TOP3B: variants seen among roughly 807,000 people sequenced by gnomAD.
The protein encoded by TOP3B is DNA topoisomerase III beta.
In TOP3B, 45 loss-of-function variants were observed where a neutral mutation model predicts 93.9. The observed-to-expected ratio is 0.48, with a 90% CI of 0.38 to 0.61. The LOEUF is 0.61. TOP3B is among the 20% of genes least tolerant of loss of function. TOP3B has a pLI of 0.00. For missense variants in TOP3B, 750 were observed against 1,156.1 expected (o/e 0.65, Z 5.09); for synonymous variants, 357 against 472.6 (o/e 0.76, Z 3.17).
chr22:21,964,239 C>T lies in TOP3B; in HGVS notation c.1020G>A (p.Glu340=), dbSNP rs775500725. 9 of 1,614,168 alleles carry T rather than the reference C, an allele frequency of 5.6e-6. No individual in the cohort carries two copies. In the South Asian group the frequency reaches 9.9e-5, roughly 18 times the overall value. Reference sequence around the variant, plus strand: ...CAAAGTTCTCAGGGTAGTGGGTGGTCTCTGTCCGTGGGTAGCTGATGTAGC... The same window carrying T: ...CAAAGTTCTCAGGGTAGTGGGTGGTTTCTGTCCGTGGGTAGCTGATGTAGC... ...TQGYISYPRT[E]TTHYPENFDL... The change falls in exon 10 of 18, where the codon GAG becomes GAA. Residue 340 remains glutamate (E), a synonymous_variant. Transcript: ENST00000357179.
chr22:21,974,105 C>A, intron 3 of TOP3B: 1 of 376,078 alleles, frequency 2.7e-6, no homozygotes, highest in East Asian at 5.2e-5. Flanking sequence ...ACTTTGTCTA[C>A]ATAGGAAGGC....
At position 21,970,466 on chromosome 22, in the gene TOP3B, C is replaced by T; in HGVS notation, c.385-60G>A. 1 of 1,560,152 alleles carries T rather than the reference C, an allele frequency of 6.4e-7. No individual in the cohort carries two copies. The highest frequency in any genetic ancestry group is 1.1e-5 in the South Asian group (1 of 86,990). ...CCCAGATCCCTGCCACAGCTCCCCACCCCACTGTGAAGCCTGGTTCCTTCC... is the reference window on the plus strand; with the variant it reads ...CCCAGATCCCTGCCACAGCTCCCCATCCCACTGTGAAGCCTGGTTCCTTCC... On this transcript the variant is annotated intron_variant, in intron 5 of 17. Transcript: ENST00000357179. The surrounding 1 kb of genome is among the most constrained non-coding windows in gnomAD (Gnocchi z 4.4).
chr22:21,970,203 C>T lies in TOP3B; in HGVS notation c.581+7G>A. ...TGTGCCCAGGACTCTGCGGGTGTGG[C>T]CAGCACCTGGTGAATGCACAGCCGA... On this transcript the variant is annotated splice_region_variant and intron_variant, in intron 6 of 17. Coordinates refer to ENST00000357179, the MANE Select transcript of TOP3B (RefSeq NM_001282112.2). The surrounding 1 kb of genome is among the most constrained non-coding windows in gnomAD (Gnocchi z 4.4). 2 of 1,608,928 alleles carry T rather than the reference C, an allele frequency of 1.2e-6. No homozygotes were observed. Among genetic ancestry groups the T allele is most frequent in the Middle Eastern group, 1.8e-4 (1 of 5,636 alleles).
At chr22:21,958,935 A>C in intron 16 of TOP3B, 197 bp downstream of exon 16, 2 of 1,032,066 alleles carry the variant, frequency 1.9e-6, no homozygotes, top group Non-Finnish European at 2.7e-6. Flanking sequence ...AAAATGCACC[A>C]TGTGTGTTTG....
At position 21,971,283 on chromosome 22, in the gene TOP3B, G is replaced by A; in HGVS notation, c.384+594C>T. On this transcript the variant is annotated intron_variant, in intron 5 of 17. Transcript: ENST00000357179. The surrounding 1 kb of genome is among the most constrained non-coding windows in gnomAD (Gnocchi z 4.6). ...GAGCTGGGGGTACAGGAGCACGGGG[G>A]CGACCCATAGAACAACAGTCTGAAG... is the stretch of plus-strand genomic sequence containing the variant. 2 of 251,910 alleles carry A rather than the reference G, an allele frequency of 7.9e-6. No individual in the cohort carries two copies. Among genetic ancestry groups the A allele is most frequent in the Non-Finnish European group, 1.5e-5 (2 of 133,244 alleles). 15.6% of individuals were successfully genotyped at this position (251,910 alleles called of 1,614,324 possible). A position where few individuals can be genotyped will look rare whatever the true frequency, so the allele number is the denominator to read the frequency against.
chr22:21,960,711 C>T (rs568240540), intron 13 of TOP3B: 7 of 486,418 alleles, frequency 1.4e-5, no homozygotes, highest in Non-Finnish European at 2.2e-5. Flanking sequence ...ACAACAGGCT[C>T]GGAGGTTAAG....
chr22:21,978,381 A>C (rs2071969793), intron 1 of TOP3B, among the ~76,000 whole-genome samples: 1 of 152,156 alleles, frequency 6.6e-6, no homozygotes, highest in South Asian at 2.1e-4. Context: ...GAGTTTGAGA[A>C]GAGCCTGATT....
Position 21,980,008 on chromosome 22 carries a change from G to A in TOP3B, c.-99+2722C>T, listed in dbSNP as rs1040537091. On this transcript the variant is annotated intron_variant, in intron 1 of 17. Coordinates refer to ENST00000357179, the MANE Select transcript of TOP3B (RefSeq NM_001282112.2). ...TAGAGCACCTGGCAGCATTACAAAG[G>A]AAAGCATCTGCTTGGTACATACTAA... Among the ~76,000 whole-genome samples the A allele has an allele frequency of 6.2e-4, 94 of 150,524 alleles. 3 individuals are homozygous for A. The highest frequency in any genetic ancestry group is 2.2e-4 in the Non-Finnish European group (15 of 67,830).
At chr22:21,967,468 C>T (rs2071457930) in intron 8 of TOP3B, 135 bp downstream of exon 8, 4 of 707,686 alleles carry the variant, frequency 5.7e-6, no homozygotes, top group South Asian at 5.1e-5. Context: ...ATTCAGCTTT[C>T]CAAAAAGATG....
Position 21,960,353 on chromosome 22 carries a change from C to A in TOP3B, c.1622G>T (p.Gly541Val). ...SGRRLKPTNL[G>V]IVLVHGYYKI... ...ATAGTAGCCGTGCACCAGGACGATG[C>A]CGAGGTTGGTGGGCTTGAGCCGGCG... The change falls in exon 14 of 18, where the codon GGC (glycine) becomes GTC (valine). Residue 541 changes from glycine (G) to valine (V), a missense_variant. This residue lies in a region of TOP3B where 737 missense variants were observed against 933.7 expected (regional missense o/e 0.79). Transcript: ENST00000357179. 6.2e-7 allele frequency: 1 copy of A among 1,613,620 alleles called. No individual in the cohort carries two copies. Among genetic ancestry groups the A allele is most frequent in the Non-Finnish European group, 8.5e-7 (1 of 1,179,978 alleles).
In TOP3B at chr22:21,970,640, A is replaced by C; in HGVS notation, c.385-234T>G. The C allele has an allele frequency of 1.8e-6, 1 of 558,092 alleles. No homozygotes were observed. Among genetic ancestry groups the C allele is most frequent in the Non-Finnish European group, 3.2e-6 (1 of 311,106 alleles). The allele number at this position is 558,092 out of a possible 1,614,324, so 34.6% of individuals were successfully genotyped here. A position where few individuals can be genotyped will look rare whatever the true frequency, so the allele number is the denominator to read the frequency against. On this transcript the variant is annotated intron_variant, in intron 5 of 17. Coordinates refer to ENST00000357179, the MANE Select transcript of TOP3B (RefSeq NM_001282112.2). This position sits in a 1 kb window ranked among gnomAD's most constrained non-coding sequence, Gnocchi z 4.4. ...AACACCCCACCACATGGCTTCCTTT[A>C]CTCCCATCTAGAAACATACTCGAAC...
At chr22:21,959,776 G>A (rs1000239107) in intron 14 of TOP3B, 40 bp from the exon 15 acceptor site, 26 of 1,592,900 alleles carry the variant, frequency 1.6e-5, no homozygotes, top group Admixed American at 3.4e-5. Context: ...CTGAGCACTC[G>A]CACCCAGGGC....
Position 21,970,238 on chromosome 22 carries a change from C to G in TOP3B, c.553G>C (p.Asp185His). The change falls in exon 6 of 18, where the codon GAC becomes CAC. Residue 185 changes from aspartate (D) to histidine (H), a missense_variant. By Grantham distance (81) the Asp-to-His change is moderately conservative. Around this residue, in one of 4 missense-constraint regions of TOP3B, gnomAD observed 737 missense variants for 933.7 expected, o/e 0.79. Coordinates refer to ENST00000357179, the MANE Select transcript of TOP3B (RefSeq NM_001282112.2). The surrounding 1 kb of genome is among the most constrained non-coding windows in gnomAD (Gnocchi z 4.4). ...ALSVDARQEL[D>H]LRIGCAFTRF... is the part of the protein sequence containing the mutation. ...GTGAATGCACAGCCGATTCGCAGGT[C>G]CAGCTCCTGGCGAGCATCCACTGAG... 6.2e-7 allele frequency: 1 copy of G among 1,613,216 alleles called. No homozygotes were observed.
At chr22:21,979,834 G>A (rs1056435760) in intron 1 of TOP3B, among the ~76,000 whole-genome samples, 5 of 150,150 alleles carry the variant, frequency 3.3e-5, no homozygotes, top group Admixed American at 6.6e-5. Flanking sequence ...CCAGCTACTC[G>A]GGAGGCTGAG....
chr22:21,968,382 C>A, intron 7 of TOP3B: 1 of 522,258 alleles, frequency 1.9e-6, no homozygotes, highest in Non-Finnish European at 3.4e-6. Context: ...CCCTGCACTG[C>A]CAGAGCTGAA....
chr22:21,965,243 C>T (rs1328235007), intron 9 of TOP3B, 42 bp downstream of exon 9: 1 of 1,494,358 alleles, frequency 6.7e-7, no homozygotes, highest in Non-Finnish European at 9.1e-7. Flanking sequence ...GAACCTGCCT[C>T]AGGAAGCCTT....
intron 13 of TOP3B, chr22:21,960,700 G>C (rs1217516762): frequency 3.9e-6 from 2 of 518,730 alleles, no homozygotes; most frequent in Admixed American, 6.4e-5. Context: ...TTATGGCAGA[G>C]ACAACAGGCT....
Position 21,971,386 on chromosome 22 carries a change from C to A in TOP3B, c.384+491G>T, listed in dbSNP as rs748933574. ...GCAAGCATGGGGCATGGGGTGTGCACAGGGAGCAGCTGCCACCTGCTTCTC... is the reference window on the plus strand; with the variant it reads ...GCAAGCATGGGGCATGGGGTGTGCAAAGGGAGCAGCTGCCACCTGCTTCTC... On this transcript the variant is annotated intron_variant, in intron 5 of 17. Coordinates refer to ENST00000357179, the MANE Select transcript of TOP3B (RefSeq NM_001282112.2). This position sits in a 1 kb window ranked among gnomAD's most constrained non-coding sequence, Gnocchi z 4.6. 2 of 310,744 alleles carry A rather than the reference C, an allele frequency of 6.4e-6. No individual in the cohort carries two copies. The highest frequency in any genetic ancestry group is 6.3e-6 in the Non-Finnish European group (1 of 159,074). The allele number at this position is 310,744 out of a possible 1,614,324, so 19.2% of individuals were successfully genotyped here.
intron 3 of TOP3B, 197 bp downstream of exon 3, chr22:21,974,160 C>G: frequency 1.7e-6 from 1 of 573,320 alleles, no homozygotes; most frequent in South Asian, 2.3e-5. Context: ...TGATGGGGAC[C>G]CAGGGCTGAG....
Sources: allele counts gnomAD v4.1 joint callset (sites outside exome capture counted in the v4.1 genomes callset), GRCh38; gene constraint gnomAD v4.1.1; regional missense constraint gnomAD v4.1.1; non-coding constraint Gnocchi (gnomAD v3.1); transcripts MANE v1.5; gene names NCBI Gene and HGNC (gene_info 2026-07-23, HGNC 2026-07-21).